The following EPHA10 variants were observed in gnomAD, a reference collection of about 807,000 sequenced individuals.
EPHA10 encodes the protein EPH receptor A10.
EPHA10 carries 120 observed loss-of-function variants against 109.7 expected under a neutral mutation model. The observed-to-expected ratio is 1.09, with a 90% CI of 0.94 to 1.27. The LOEUF (loss-of-function observed/expected upper bound fraction) is 1.27. Among genes scored for constraint, EPHA10 ranks in the 50% most tolerant of loss-of-function variants. The pLI, the probability that EPHA10 is intolerant of heterozygous loss-of-function variation, is 0.00. For synonymous variants in EPHA10, 640 were observed against 618.9 expected, an observed-to-expected ratio of 1.03 and a Z score of -0.51; for missense variants, 1,396 against 1,411.1, an observed-to-expected ratio of 0.99 and a Z score of 0.17.
At chr1:37,749,242 T>G (rs1456598680) in intron 5 of EPHA10, among the ~76,000 whole-genome samples, 1 of 151,726 alleles carries the variant, frequency 6.6e-6, no homozygotes, top group African/African-American at 2.4e-5. Context: ...TGAATTAATG[T>G]AGAAAATCAT....
At chr1:37,740,242 T>A (rs567361651) in intron 5 of EPHA10, among the ~76,000 whole-genome samples, 38 of 152,196 alleles carry the variant, frequency 2.5e-4, no homozygotes, top group African/African-American at 9.1e-4. Flanking sequence ...AGCAAACAAA[T>A]CATCATCTCT....
At chr1:37,728,592 A>T (rs1645932580) in intron 7 of EPHA10, among the ~76,000 whole-genome samples, 1 of 152,126 alleles carries the variant, frequency 6.6e-6, no homozygotes, top group African/African-American at 2.4e-5. Flanking sequence ...CCAGGGAATG[A>T]GGGTTGGCAG....
intron 4 of EPHA10, among the ~76,000 whole-genome samples, chr1:37,753,711 T>C (rs140199039): frequency 3.3e-4 from 4 of 12,096 alleles, no homozygotes; most frequent in South Asian, 5.4e-3. Flanking sequence ...CAGGGGTGAG[T>C]GGGAGCAGGG....
At chr1:37,720,190 A>G in intron 13 of EPHA10, 132 bp from the exon 14 acceptor site, 1 of 1,414,636 alleles carries the variant, frequency 7.1e-7, no homozygotes, top group African/African-American at 1.4e-5. Context: ...ACATCTGGGA[A>G]AGACAGAAAA....
In EPHA10 at chr1:37,718,709, G is replaced by A. The variant is rs772965498; in HGVS notation, c.2864C>T (p.Ala955Val). 41 of 1,613,144 alleles carry A rather than the reference G, an allele frequency of 2.5e-5. No individual in the cohort carries two copies. Among genetic ancestry groups the A allele is most frequent in the East Asian group, 2.2e-4 (10 of 44,904 alleles). Residue 955 changes from alanine to valine, a missense_variant, in exon 16 of 17, where the codon GCG becomes GTG. Physicochemically the swap from Ala to Val is moderately conservative, Grantham distance 64. Coordinates refer to ENST00000373048, the MANE Select transcript of EPHA10 (RefSeq NM_001099439.2). ...LDLCRYKDSFAAAGYGSLEAV... is the reference protein window; with the variant it reads ...LDLCRYKDSFVAAGYGSLEAV... ...CTCCAGGCTCCCATAGCCAGCAGCC[G>A]CGAAGCTGTCCTTGTAGCGGCACAG...
intron 8 of EPHA10, among the ~76,000 whole-genome samples, chr1:37,725,888 C>G (rs7527344): frequency 6.6e-6 from 1 of 151,996 alleles, no homozygotes; most frequent in Non-Finnish European, 1.5e-5. Flanking sequence ...GGTACTACAC[C>G]CAGGACGGTG....
chr1:37,714,388 C>T (rs559595042), downstream of EPHA10, among the ~76,000 whole-genome samples: 236 of 152,304 alleles, frequency 1.5e-3, no homozygotes, highest in African/African-American at 5.5e-3. Context: ...CGCACTCAGG[C>T]CTTGCCCCTG....
At chr1:37,736,511 C>T (rs1326187806) in intron 5 of EPHA10, among the ~76,000 whole-genome samples, 1 of 136,456 alleles carries the variant, frequency 7.3e-6, no homozygotes, top group African/African-American at 2.7e-5. Flanking sequence ...AGATTGAGAC[C>T]ATCCTGGCCA....
At chr1:37,755,354 C>T (rs1240327264) in intron 3 of EPHA10, among the ~76,000 whole-genome samples, 1 of 151,918 alleles carries the variant, frequency 6.6e-6, no homozygotes, top group African/African-American at 2.4e-5. Flanking sequence ...ACCCTCCCAC[C>T]ACCACCATCA....
chr1:37,718,820 C>T lies in EPHA10; in HGVS notation c.2757-4G>A, dbSNP rs532124320. 1.1e-5 allele frequency: 17 copies of T among 1,606,998 alleles called. No individual in the cohort carries two copies. The highest frequency in any genetic ancestry group is 1.8e-4 in the Middle Eastern group (1 of 5,582). On this transcript the variant is annotated splice_region_variant and splice_polypyrimidine_tract_variant and intron_variant, in intron 15 of 16. Coordinates refer to ENST00000373048, the MANE Select transcript of EPHA10 (RefSeq NM_001099439.2). ...GTCCGCTAGTGGGGTGGGAGGCCTG[C>T]GGGTCAGAGGAGCTGTGCTCAACCG... is the stretch of plus-strand genomic sequence containing the variant.
Position 37,719,560 on chromosome 1 carries a change from G to A in EPHA10, c.2610C>T (p.Asn870=), listed in dbSNP as rs1409396102. 2.5e-6 allele frequency: 4 copies of A among 1,613,952 alleles called. No individual in the cohort carries two copies. The South Asian group carries it at 4.4e-5, about 18-fold the overall frequency. Residue 870 remains asparagine, a synonymous_variant, in exon 15 of 17, where the codon AAC becomes AAT. Transcript: ENST00000373048. ...TTAGTCGGTGCAGAAGGTTAGGACA[G>A]TTCCTGGGGGGTGGCAGCCGGAAGC... ...EDGFRLPPPR[N]CPNLLHRLML... is the part of the protein sequence containing the mutation.
chr1:37,731,416 C>T lies in EPHA10; in HGVS notation c.1658G>A (p.Gly553Glu), dbSNP rs939662589. The change falls in exon 7 of 17, where the codon GGG becomes GAG. Residue 553 changes from glycine to glutamate, a missense_variant. Physicochemically the swap from Gly to Glu is moderately conservative, Grantham distance 98 (BLOSUM62 -2). Coordinates refer to ENST00000373048, the MANE Select transcript of EPHA10 (RefSeq NM_001099439.2). ...CACTCACACACACTACTTACCCTCCCCCAGGGTCTGTACTTCAATGCTGGG... is the reference window on the plus strand; with the variant it reads ...CACTCACACACACTACTTACCCTCCTCCAGGGTCTGTACTTCAATGCTGGG... ...FNPSIEVQTLGEAASGSRDQS... is the reference protein window; with the variant it reads ...FNPSIEVQTLEEAASGSRDQS... The T allele has an allele frequency of 2.2e-5, 35 of 1,605,592 alleles. 1 individual carries two copies. The Admixed American group carries it at 5.1e-4, about 23-fold the overall frequency.
chr1:37,743,168 C>T (rs2148348594), intron 5 of EPHA10, among the ~76,000 whole-genome samples: 1 of 151,910 alleles, frequency 6.6e-6, no homozygotes, highest in East Asian at 1.9e-4. Context: ...ACAGAAAATA[C>T]CAGAAATTGG....
In EPHA10 at chr1:37,761,701, C is replaced by T. The variant is rs770473569; in HGVS notation, c.554G>A (p.Arg185Gln). 2 of 1,613,180 alleles carry T rather than the reference C, an allele frequency of 1.2e-6. No individual in the cohort carries two copies. The highest frequency in any genetic ancestry group is 8.5e-7 in the Non-Finnish European group (1 of 1,179,910). Residue 185 changes from arginine (R) to glutamine (Q), a missense_variant, in exon 3 of 17, where the codon CGG becomes CAG. Coordinates refer to ENST00000373048, the MANE Select transcript of EPHA10 (RefSeq NM_001099439.2). ...TEVREIGPLSRRGFHLAFQDV... is the reference protein window; with the variant it reads ...TEVREIGPLSQRGFHLAFQDV... ...CTGAAAGGCCAGGTGGAAACCCCGC[C>T]GGCTGAGCGGTCCGATCTCGCGCAC... is the stretch of plus-strand genomic sequence containing the variant.
rs1456001428 is a variant in EPHA10 at position 37,721,720 on chromosome 1, G to A, written c.2086C>T (p.Leu696Phe). Residue 696 changes from leucine (L) to phenylalanine (F), a missense_variant, in exon 11 of 17, where the codon CTC becomes TTC. By Grantham distance (22) the Leu-to-Phe change is conservative. Coordinates refer to ENST00000373048, the MANE Select transcript of EPHA10 (RefSeq NM_001099439.2). Reference sequence around the variant, plus strand: ...CTATGGTCAAACTGGCCCAGCGTGAGGGCCTCGGCCAGGAAGCCGAGCCTC... The same window carrying A: ...CTATGGTCAAACTGGCCCAGCGTGAAGGCCTCGGCCAGGAAGCCGAGCCTC... The part of the protein sequence containing the change: ...SQRLGFLAEA[L>F]TLGQFDHSHI... 6.2e-7 allele frequency: 1 copy of A among 1,612,540 alleles called. No homozygotes were observed. Among genetic ancestry groups the A allele is most frequent in the South Asian group, 1.1e-5 (1 of 91,036 alleles).
In EPHA10 at chr1:37,761,439, G is replaced by T. The variant is rs764526793; in HGVS notation, c.816C>A (p.Ser272Arg). The change falls in exon 3 of 17, where the codon AGC (serine) becomes AGA (arginine). Residue 272 changes from serine to arginine, a missense_variant. Ser to Arg is a moderately radical substitution (Grantham distance 110, BLOSUM62 -1). Transcript: ENST00000373048. Reference protein sequence around the residue: ...WLVPVGRCSCSAGFQERGDFC... With the variant: ...WLVPVGRCSCRAGFQERGDFC... ...AGTCACCACGCTCCTGGAATCCCGCGCTGCAGCTGCAGCGGCCCACAGGCA... is the reference window on the plus strand; with the variant it reads ...AGTCACCACGCTCCTGGAATCCCGCTCTGCAGCTGCAGCGGCCCACAGGCA... 4.4e-6 allele frequency: 7 copies of T among 1,598,330 alleles called. No homozygotes were observed. Among genetic ancestry groups the T allele is most frequent in the Non-Finnish European group, 5.9e-6 (7 of 1,178,934 alleles).
In EPHA10 at chr1:37,719,998, A is replaced by G. The variant is rs762954604; in HGVS notation, c.2473T>C (p.Ser825Pro). 14 of 1,613,924 alleles carry G rather than the reference A, an allele frequency of 8.7e-6. No individual in the cohort carries two copies. Among genetic ancestry groups the G allele is most frequent in the Non-Finnish European group, 8.5e-6 (10 of 1,180,036 alleles). The change falls in exon 14 of 17, where the codon TCT (serine) becomes CCT (proline). Residue 825 changes from serine (S) to proline (P), a missense_variant. Transcript: ENST00000373048. ...PETLQFGHFSSASDVWSFGII... is the reference protein window; with the variant it reads ...PETLQFGHFSPASDVWSFGII... Reference sequence around the variant, plus strand: ...CCGAAGCTCCACACGTCACTGGCAGAGCTGAAGTGGCCAAACTGAAGTGTC... The same window carrying G: ...CCGAAGCTCCACACGTCACTGGCAGGGCTGAAGTGGCCAAACTGAAGTGTC...
intron 5 of EPHA10, among the ~76,000 whole-genome samples, chr1:37,750,060 A>G (rs1646299665): frequency 6.6e-6 from 1 of 152,236 alleles, no homozygotes; most frequent in Non-Finnish European, 1.5e-5. Flanking sequence ...ATAGGTAGAT[A>G]GTTACAAATA....
chr1:37,750,029 T>C (rs944561585), intron 5 of EPHA10, among the ~76,000 whole-genome samples: 1 of 152,198 alleles, frequency 6.6e-6, no homozygotes, highest in Non-Finnish European at 1.5e-5. Context: ...TGCATGACTG[T>C]ATTAAAACAA....
Sources: allele counts gnomAD v4.1 joint callset (sites outside exome capture counted in the v4.1 genomes callset), GRCh38; gene constraint gnomAD v4.1.1; transcripts MANE v1.5; gene names NCBI Gene and HGNC (gene_info 2026-07-23, HGNC 2026-07-21).